RMC1: variants seen among roughly 807,000 people sequenced by gnomAD.
RMC1 encodes the protein regulator of MON1-CCZ1.
Under a neutral mutation model 95.5 loss-of-function variants are expected in RMC1, and 44 were observed. The observed-to-expected ratio is 0.46, with a 90% CI of 0.36 to 0.59. RMC1 has a LOEUF of 0.59. RMC1 is among the 20% of genes least tolerant of loss of function. RMC1 has a pLI of 0.00. For missense variants in RMC1, 705 were observed against 819.6 expected (o/e 0.86, Z 1.71); for synonymous variants, 320 against 303.6 (o/e 1.05, Z -0.56).
rs755489679 is a variant in RMC1, at chr18:23,530,472, T to G, written c.1754T>G (p.Ile585Ser). Reference sequence around the variant, plus strand: ...GCTGCCTTAAGGTTTATCCGGGGCATTGGTGGCCATGACAACATTTCTGCA... The same window carrying G: ...GCTGCCTTAAGGTTTATCCGGGGCAGTGGTGGCCATGACAACATTTCTGCA... ...VLAALRFIRG[I>S]GGHDNISARK... Residue 585 changes from isoleucine (I) to serine (S), a missense_variant, in exon 19 of 20, where the codon ATT becomes AGT. Transcript: ENST00000269221. 6.2e-7 allele frequency: 1 copy of G among 1,614,282 alleles called. No individual in the cohort carries two copies. Among genetic ancestry groups the G allele is most frequent in the East Asian group, 2.2e-5 (1 of 44,892 alleles).
chr18:23,530,265 C>T lies in RMC1; in HGVS notation c.1636C>T (p.Pro546Ser). The change falls in exon 18 of 20, where the codon CCT (proline) becomes TCT (serine). Residue 546 changes from proline to serine, a missense_variant. Physicochemically the swap from Pro to Ser is moderately conservative, Grantham distance 74. Coordinates refer to ENST00000269221, the MANE Select transcript of RMC1 (RefSeq NM_013326.5). ...GTTATCCCTAGAGAGTTTCTATCCT[C>T]CTGCTCATCAGCTATCTCTGGACAT... The part of the protein sequence containing the change: ...LLLSLESFYP[P>S]AHQLSLDMLK... The T allele has an allele frequency of 1.2e-6, 2 of 1,614,194 alleles. No individual in the cohort carries two copies. The highest frequency in any genetic ancestry group is 8.5e-7 in the Non-Finnish European group (1 of 1,180,038).
chr18:23,530,985 ATTGG>A (rs2058482344), intron 19 of RMC1, among the ~76,000 whole-genome samples: 1 of 152,008 alleles, frequency 6.6e-6, no homozygotes, highest in Non-Finnish European at 1.5e-5. Flanking sequence ...TGAAGTATAC[ATTGG>A]TTGATCATTC....
chr18:23,519,009 C>T (rs749963920), intron 8 of RMC1, 30 bp downstream of exon 8: 1 of 1,613,486 alleles, frequency 6.2e-7, no homozygotes, highest in Non-Finnish European at 8.5e-7. Context: ...TTCCCTCTCT[C>T]TCTGATTTTA....
chr18:23,513,532 C>T (rs899778491), intron 5 of RMC1, among the ~76,000 whole-genome samples: 14 of 152,192 alleles, frequency 9.2e-5, no homozygotes, highest in African/African-American at 2.4e-4. Context: ...TTCAAGATCC[C>T]GTTTTCAGTT....
chr18:23,517,739 GGA>G (rs1483473431), intron 7 of RMC1, among the ~76,000 whole-genome samples: 1 of 150,796 alleles, frequency 6.6e-6, no homozygotes, highest in Non-Finnish European at 1.5e-5. Context: ...AATTTTTTTT[GGA>G]GAGTGTCGCT....
intron 10 of RMC1, among the ~76,000 whole-genome samples, chr18:23,520,775 TATTCAATC>T (rs2058122662): frequency 6.6e-6 from 1 of 152,108 alleles, no homozygotes; most frequent in Non-Finnish European, 1.5e-5. Context: ...TTGAACCAAG[TATTCAATC>T]GCTTAAATAC....
chr18:23,528,919 G>T, intron 14 of RMC1: 1 of 325,010 alleles, frequency 3.1e-6, no homozygotes. Flanking sequence ...TGTTCTTATT[G>T]CCCAGGCTGG....
At chr18:23,523,550 AAAAAAAAAAAAAAAAAAAAG>A (rs1387819914) in intron 10 of RMC1, among the ~76,000 whole-genome samples, 1 of 112,102 alleles carries the variant, frequency 8.9e-6, no homozygotes, top group Non-Finnish European at 2.1e-5. Flanking sequence ...TCACAAAAAA[AAAAAAAAAAAAAAAAAAAAG>A]AAAAAAAGTT....
chr18:23,507,846 GTGT>G (rs1392845092), intron 3 of RMC1, 136 bp from the exon 4 acceptor site: 1 of 584,802 alleles, frequency 1.7e-6, no homozygotes, highest in African/African-American at 1.9e-5. Flanking sequence ...TATCTTTCCT[GTGT>G]TTTGGTTGTC....
intron 11 of RMC1, 59 bp downstream of exon 11, chr18:23,524,233 G>A: frequency 6.3e-7 from 1 of 1,597,702 alleles, no homozygotes; most frequent in Non-Finnish European, 8.6e-7. Context: ...CCCTCAGAGA[G>A]TGGTCCTGAA....
At chr18:23,520,102 A>G (rs756730361) in intron 9 of RMC1, 100 bp from the exon 10 acceptor site, 29 of 862,118 alleles carry the variant, frequency 3.4e-5, no homozygotes, top group African/African-American at 5.0e-5. Flanking sequence ...ATGCAAACAC[A>G]GGCTTTTAAA....
chr18:23,524,383 T>G, intron 11 of RMC1, 46 bp from the exon 12 acceptor site: 1 of 1,607,640 alleles, frequency 6.2e-7, no homozygotes. Flanking sequence ...TGGGTTTGCT[T>G]TTTGTTTTCA....
intron 19 of RMC1, 158 bp from the exon 20 acceptor site, chr18:23,531,467 G>C (rs1280229585): frequency 1.5e-6 from 2 of 1,340,142 alleles, no homozygotes; most frequent in Non-Finnish European, 1.9e-6. Flanking sequence ...TTTTGTATTT[G>C]TCTCTCAAAG....
intron 11 of RMC1, 103 bp downstream of exon 11, chr18:23,524,277 A>G: frequency 5.3e-6 from 8 of 1,512,998 alleles, no homozygotes; most frequent in Non-Finnish European, 7.3e-6. Context: ...TAACACTCCG[A>G]GAGCCACCCC....
intron 3 of RMC1, among the ~76,000 whole-genome samples, chr18:23,507,452 T>C (rs1429512270): frequency 6.6e-6 from 1 of 152,208 alleles, no homozygotes; most frequent in Non-Finnish European, 1.5e-5. Flanking sequence ...CAGCATAGAA[T>C]ATGTGAGGTA....
chr18:23,531,707 T>A lies in RMC1; in HGVS notation c.*3T>A. The A allele has an allele frequency of 2.5e-6, 4 of 1,601,500 alleles. No homozygotes were observed. The highest frequency in any genetic ancestry group is 3.4e-6 in the Non-Finnish European group (4 of 1,177,090). ...TAATGAGGCCTACAACATTCTGAAA[T>A]CACTTGCTGTTTTTTTATATAAAAA... On this transcript the variant is annotated 3_prime_UTR_variant, in exon 20 of 20. Transcript: ENST00000269221.
intron 16 of RMC1, 74 bp downstream of exon 16, chr18:23,529,786 G>A: frequency 7.1e-7 from 1 of 1,411,564 alleles, no homozygotes; most frequent in Non-Finnish European, 1.0e-6. Flanking sequence ...TGTCTTAGAA[G>A]ATGACTCATA....
At position 23,530,071 on chromosome 18, in the gene RMC1, A is replaced by G; in HGVS notation, c.1538A>G (p.Asn513Ser). 1.2e-6 allele frequency: 2 copies of G among 1,613,844 alleles called. No homozygotes were observed. Among genetic ancestry groups the G allele is most frequent in the East Asian group, 2.2e-5 (1 of 44,870 alleles). Residue 513 changes from asparagine to serine, a missense_variant, in exon 17 of 20, where the codon AAC becomes AGC. Transcript: ENST00000269221. The part of the protein sequence containing the change: ...ELVIKTLVQH[N>S]LFYMLHQFLQ... ...GTTATCAAAACCCTTGTCCAGCACA[A>G]CCTCTTTTATATGCTGCATCAGTTC... is the stretch of plus-strand genomic sequence containing the variant.
chr18:23,530,911 A>C (rs892557031), intron 19 of RMC1, among the ~76,000 whole-genome samples: 1 of 152,196 alleles, frequency 6.6e-6, no homozygotes, highest in Non-Finnish European at 1.5e-5. Context: ...AAAGCCAGGA[A>C]TAAGACGGCA....
Sources: gnomAD v4.1 joint callset for allele counts (sites outside exome capture counted in the v4.1 genomes callset) on GRCh38, gnomAD v4.1.1 for gene constraint, MANE v1.5 for transcripts, NCBI Gene and HGNC (gene_info 2026-07-23, HGNC 2026-07-21) for gene names.